Variants in DUS3L observed in about 807,000 individuals in gnomAD.
DUS3L encodes tRNA-dihydrouridine(47) synthase [NAD(P)(+)]-like.
DUS3L carries 62 observed loss-of-function variants against 74.6 expected under a neutral mutation model. The observed-to-expected ratio is 0.83, with a 90% CI of 0.68 to 1.03. The LOEUF (loss-of-function observed/expected upper bound fraction) is 1.03, where lower values mean the gene tolerates loss of function less well. Among genes scored for constraint, DUS3L ranks in the 50% least tolerant of loss-of-function variants. The probability of loss-of-function intolerance (pLI) is 0.00; values close to 1 mark genes in which losing one functional copy is unlikely to be tolerated. For synonymous variants in DUS3L, 433 were observed against 395.7 expected, an observed-to-expected ratio of 1.09 and a Z score of -1.12; for missense variants, 884 against 924.4, an observed-to-expected ratio of 0.96 and a Z score of 0.57.
Position 5,789,731 on chromosome 19 carries a change from C to G in DUS3L, c.388-12G>C. Reference sequence around the variant, plus strand: ...TTAGCAGCCGACTCCTGCGAGGAAACAGGGAAGCAGTGAGGGAGGACAGGG... The same window carrying G: ...TTAGCAGCCGACTCCTGCGAGGAAAGAGGGAAGCAGTGAGGGAGGACAGGG... On this transcript the variant is annotated splice_polypyrimidine_tract_variant and intron_variant, in intron 2 of 12. Transcript: ENST00000309061. 6.3e-7 allele frequency: 1 copy of G among 1,589,736 alleles called. No homozygotes were observed. The highest frequency in any genetic ancestry group is 8.6e-7 in the Non-Finnish European group (1 of 1,169,192).
rs1175690234 is a variant in DUS3L, at chr19:5,786,440, G to A, written c.1562+27C>T. ...GGGCACTGCTGCTGTGCATGAAGCT[G>A]GATCTCTAACATCCCTGGGCACTTA... On this transcript the variant is annotated intron_variant, in intron 10 of 12. Coordinates refer to ENST00000309061, the MANE Select transcript of DUS3L (RefSeq NM_020175.3). 1.9e-6 allele frequency: 3 copies of A among 1,609,028 alleles called. No individual in the cohort carries two copies. In the Admixed American group the frequency reaches 5.0e-5, roughly 27 times the overall value.
intron 6 of DUS3L, 90 bp from the exon 7 acceptor site, chr19:5,787,451 C>A: frequency 1.3e-6 from 2 of 1,527,832 alleles, no homozygotes; most frequent in Non-Finnish European, 1.8e-6. Context: ...CACCAGGAGA[C>A]GCCGACCTGC....
At position 5,789,610 on chromosome 19, in the gene DUS3L, T is replaced by C. The variant is rs2144737603; in HGVS notation, c.497A>G (p.Glu166Gly). The C allele has an allele frequency of 6.3e-7, 1 of 1,594,848 alleles. No individual in the cohort carries two copies. The highest frequency in any genetic ancestry group is 1.8e-5 in the Admixed American group (1 of 56,104). ...GCCGTAGGGGCACCGGCCGAAGGTC[T>C]CGAAGAGCACGCAGCGGGGGCCCAG... Reference protein sequence around the residue: ...ADLGPRCVLFETFGRCPYGVT... With the variant: ...ADLGPRCVLFGTFGRCPYGVT... Residue 166 changes from glutamate (E) to glycine (G), a missense_variant, in exon 3 of 13, where the codon GAG (glutamate) becomes GGG (glycine). Physicochemically the swap from Glu to Gly is moderately conservative, Grantham distance 98. Transcript: ENST00000309061.
At chr19:5,787,947 G>A in intron 5 of DUS3L, 77 bp downstream of exon 5, 1 of 1,577,630 alleles carries the variant, frequency 6.3e-7, no homozygotes, top group South Asian at 1.1e-5. Flanking sequence ...AGGCAACCAG[G>A]GCAGACCTGG....
At chr19:5,785,549 C>T in intron 11 of DUS3L, 38 bp from the exon 12 acceptor site, 1 of 1,556,758 alleles carries the variant, frequency 6.4e-7, no homozygotes, top group Non-Finnish European at 8.7e-7. Flanking sequence ...CTTGAGTCAG[C>T]TCTAACCAGC....
Position 5,787,595 on chromosome 19 carries a change from G to A in DUS3L, c.1206C>T (p.Tyr402=), listed in dbSNP as rs376555745. 6 of 1,613,186 alleles carry A rather than the reference G, an allele frequency of 3.7e-6. No homozygotes were observed. Among genetic ancestry groups the A allele is most frequent in the African/African-American group, 2.7e-5 (2 of 74,898 alleles). The change falls in exon 6 of 13, where the codon TAC becomes TAT. Residue 402 remains tyrosine, a synonymous_variant. Transcript: ENST00000309061. ...ACACGTCCAGGGCCGCTACCTTCTTGTACACGAGGTCGATGGGGCAGCCGA... is the reference window on the plus strand; with the variant it reads ...ACACGTCCAGGGCCGCTACCTTCTTATACACGAGGTCGATGGGGCAGCCGA... ...INVGCPIDLV[Y]KKGGGCALMN... is the part of the protein sequence containing the mutation.
intron 10 of DUS3L, chr19:5,785,994 G>T: frequency 1.7e-6 from 1 of 605,776 alleles, no homozygotes; most frequent in Non-Finnish European, 2.8e-6. Context: ...CTGTCGCCCA[G>T]GCTGGGGTGC....
At chr19:5,787,023 C>A in intron 8 of DUS3L, 38 bp downstream of exon 8, 2 of 1,506,988 alleles carry the variant, frequency 1.3e-6, no homozygotes, top group Non-Finnish European at 8.9e-7. Flanking sequence ...GCGGGGTCGA[C>A]CGCGAGGCCC....
Position 5,786,528 on chromosome 19 carries a change from A to G in DUS3L, c.1501T>C (p.Leu501=). 1 of 1,613,044 alleles carries G rather than the reference A, an allele frequency of 6.2e-7. No homozygotes were observed. The highest frequency in any genetic ancestry group is 8.5e-7 in the Non-Finnish European group (1 of 1,179,928). The stretch of plus-strand genomic sequence containing the variant: ...GCGCGGTTGGCATCCTCAAATGACA[A>G]GATGTCCCCATTTCCTGAGGAGACA... ...PMPLFGNGDI[L]SFEDANRAMQ... is the part of the protein sequence containing the mutation. Residue 501 remains leucine, a synonymous_variant, in exon 10 of 13, where the codon TTG becomes CTG. Coordinates refer to ENST00000309061, the MANE Select transcript of DUS3L (RefSeq NM_020175.3).
In DUS3L at chr19:5,785,753, T is replaced by C. The variant is rs923271549; in HGVS notation, c.1601A>G (p.Lys534Arg). 11 of 1,609,632 alleles carry C rather than the reference T, an allele frequency of 6.8e-6. No homozygotes were observed. The highest frequency in any genetic ancestry group is 7.6e-6 in the Non-Finnish European group (9 of 1,178,988). ...LLKPWLFTEI[K>R]EQRHWDISSS... Reference sequence around the variant, plus strand: ...CGAGATGTCCCAGTGCCGCTGCTCCTTGATCTCCGTGAAGAGCCACGGCTT... The same window carrying C: ...CGAGATGTCCCAGTGCCGCTGCTCCCTGATCTCCGTGAAGAGCCACGGCTT... Residue 534 changes from lysine to arginine, a missense_variant, in exon 11 of 13, where the codon AAG becomes AGG. Physicochemically the swap from Lys to Arg is conservative, Grantham distance 26 (BLOSUM62 2). Transcript: ENST00000309061.
intron 10 of DUS3L, 129 bp downstream of exon 10, chr19:5,786,338 C>T (rs950617676): frequency 1.2e-6 from 1 of 848,130 alleles, no homozygotes; most frequent in Non-Finnish European, 1.8e-6. Flanking sequence ...CAACTCCTGA[C>T]ATCGCTCTCT....
chr19:5,790,795 C>T (rs1568389593), intron 1 of DUS3L: 1 of 592,030 alleles, frequency 1.7e-6, no homozygotes, highest in South Asian at 2.0e-5. Context: ...CAGTATGCAG[C>T]GCGGGCCTGG....
chr19:5,788,164 G>C lies in DUS3L; in HGVS notation c.955C>G (p.Pro319Ala). Residue 319 changes from proline to alanine, a missense_variant, in exon 5 of 13, where the codon CCC (proline) becomes GCC (alanine). By Grantham distance (27) the Pro-to-Ala change is conservative. Transcript: ENST00000309061. Reference sequence around the variant, plus strand: ...AAGCGCTTGCAGATCCGTCGGAAGGGCAGGTTCCCACACTGCGGGGGGAGC... The same window carrying C: ...AAGCGCTTGCAGATCCGTCGGAAGGCCAGGTTCCCACACTGCGGGGGGAGC... ...LAPLTTCGNL[P>A]FRRICKRFGA... 6.2e-7 allele frequency: 1 copy of C among 1,613,500 alleles called. No homozygotes were observed. The highest frequency in any genetic ancestry group is 1.1e-5 in the South Asian group (1 of 91,088).
chr19:5,787,706 C>T lies in DUS3L; in HGVS notation c.1096-1G>A. On this transcript the variant is annotated splice_acceptor_variant, in intron 5 of 12. Coordinates refer to ENST00000309061, the MANE Select transcript of DUS3L (RefSeq NM_020175.3). LOFTEE classifies it high-confidence loss of function. ...TGGTGTCGGGGAAGGCGCCCTCCAG[C>T]TGTAGGTGGGTAGTGGCAGAACAGG... 2 of 1,613,058 alleles carry T rather than the reference C, an allele frequency of 1.2e-6. No individual in the cohort carries two copies. Among genetic ancestry groups the T allele is most frequent in the Non-Finnish European group, 1.7e-6 (2 of 1,179,940 alleles).
chr19:5,788,313 A>ACTGCAACC (rs1568387484), intron 4 of DUS3L, 44 bp downstream of exon 4: 1 of 1,613,084 alleles, frequency 6.2e-7, no homozygotes, highest in Admixed American at 1.7e-5. Flanking sequence ...GAATGACCAC[A>ACTGCAACC]CTGCCACCCT....
chr19:5,785,254 C>T lies in DUS3L; in HGVS notation c.1902G>A (p.Val634=), dbSNP rs1031439064. ...TCGGCAAGAAGGCGAAGCTGGGGGG[C>T]ACTGGCCCAAGGAGCATCTCGCTGT... ...IRISEMLLGP[V]PPSFAFLPKH... Residue 634 remains valine (V), a synonymous_variant, in exon 13 of 13, where the codon GTG becomes GTA. Transcript: ENST00000309061. 1.3e-5 allele frequency: 21 copies of T among 1,610,714 alleles called. No individual in the cohort carries two copies. Among genetic ancestry groups the T allele is most frequent in the Non-Finnish European group, 1.8e-5 (21 of 1,179,222 alleles).
At position 5,787,585 on chromosome 19, in the gene DUS3L, C is replaced by A; in HGVS notation, c.1212+4G>T. Reference sequence around the variant, plus strand: ...AAACCGAGGCACACGTCCAGGGCCGCTACCTTCTTGTACACGAGGTCGATG... The same window carrying A: ...AAACCGAGGCACACGTCCAGGGCCGATACCTTCTTGTACACGAGGTCGATG... On this transcript the variant is annotated splice_donor_region_variant and intron_variant, in intron 6 of 12. Coordinates refer to ENST00000309061, the MANE Select transcript of DUS3L (RefSeq NM_020175.3). The A allele has an allele frequency of 6.2e-7, 1 of 1,613,104 alleles. No individual in the cohort carries two copies. Among genetic ancestry groups the A allele is most frequent in the Non-Finnish European group, 8.5e-7 (1 of 1,179,840 alleles).
In DUS3L at chr19:5,786,549, A is replaced by C. The variant is rs988420494; in HGVS notation, c.1487-7T>G. 6.2e-7 allele frequency: 1 copy of C among 1,612,540 alleles called. No homozygotes were observed. The highest frequency in any genetic ancestry group is 1.3e-5 in the African/African-American group (1 of 74,928). ...GACAAGATGTCCCCATTTCCTGAGG[A>C]GACAGAGGCTGGGGTCTCAGGGAGA... On this transcript the variant is annotated splice_polypyrimidine_tract_variant and splice_region_variant and intron_variant, in intron 9 of 12. Coordinates refer to ENST00000309061, the MANE Select transcript of DUS3L (RefSeq NM_020175.3).
intron 3 of DUS3L, 35 bp downstream of exon 3, chr19:5,789,172 A>T: frequency 6.6e-7 from 1 of 1,506,524 alleles, no homozygotes; most frequent in Non-Finnish European, 8.9e-7. Context: ...CACCAGATGG[A>T]CAGATCTGCT....
Sources: allele counts gnomAD v4.1 joint callset, GRCh38; gene constraint gnomAD v4.1.1; transcripts MANE v1.5; gene names NCBI Gene and HGNC (gene_info 2026-07-23, HGNC 2026-07-21).